The following PCDH11X variants were observed in gnomAD, a reference collection of about 807,000 sequenced individuals.
PCDH11X encodes the protein protocadherin-11 X-linked.
PCDH11X carries 18 observed loss-of-function variants against 53.3 expected under a neutral mutation model. The ratio of observed to expected loss-of-function variants is 0.34; its 90% CI spans 0.23 to 0.50. PCDH11X has a LOEUF of 0.50. Among genes scored for constraint, PCDH11X ranks in the 20% least tolerant of loss-of-function variants. PCDH11X has a pLI of 0.98. For synonymous variants in PCDH11X, 279 were observed against 393.3 expected (o/e 0.71, Z 3.44); for missense variants, 570 against 1,032.4 (o/e 0.55, Z 6.14).
At chrX:92,096,745 C>T (rs1383939846) in intron 6 of PCDH11X, among the ~76,000 whole-genome samples, 5 of 110,194 alleles carry the variant, frequency 4.5e-5, no homozygotes, top group East Asian at 2.9e-4. Flanking sequence ...TTAAGTACCA[C>T]GAGAACAGTA....
At chrX:92,037,226 C>T (rs1211116196) in intron 6 of PCDH11X, among the ~76,000 whole-genome samples, 2 of 109,207 alleles carry the variant, frequency 1.8e-5, no homozygotes, top group East Asian at 2.9e-4. Context: ...TACCTCCCAA[C>T]CGGCCCCAGT....
At chrX:91,865,904 C>T (rs1938957825) in intron 5 of PCDH11X, among the ~76,000 whole-genome samples, 1 of 110,516 alleles carries the variant, frequency 9.0e-6, no homozygotes, top group South Asian at 3.9e-4. Flanking sequence ...GTAATGGGCT[C>T]CCCTCTGTTC....
intron 10 of PCDH11X, among the ~76,000 whole-genome samples, chrX:92,548,253 T>A (rs1344167932): frequency 5.4e-5 from 6 of 110,632 alleles, no homozygotes; most frequent in Admixed American, 3.9e-4. Context: ...CACTGCTCGC[T>A]TGACCTCCCC....
intron 6 of PCDH11X, among the ~76,000 whole-genome samples, chrX:92,098,531 A>C (rs1276868255): frequency 3.6e-5 from 4 of 111,259 alleles, no homozygotes; most frequent in Non-Finnish European, 7.5e-5. Flanking sequence ...ACACTAGCTA[A>C]AATCTCATCC....
At chrX:91,907,022 C>G (rs1382500432) in intron 6 of PCDH11X, among the ~76,000 whole-genome samples, 2 of 105,083 alleles carry the variant, frequency 1.9e-5, no homozygotes, top group African/African-American at 6.9e-5. Context: ...CAGTAATGTG[C>G]TAATGCACAC....
At chrX:91,970,734 C>T (rs765569690) in intron 6 of PCDH11X, among the ~76,000 whole-genome samples, 10 of 111,654 alleles carry the variant, frequency 9.0e-5, no homozygotes, top group South Asian at 3.8e-4. Flanking sequence ...TTCTGCCTTT[C>T]GAAAACATCA....
intron 5 of PCDH11X, among the ~76,000 whole-genome samples, chrX:91,837,355 A>AC (rs1319574067): frequency 8.9e-6 from 1 of 111,902 alleles, no homozygotes; most frequent in Non-Finnish European, 1.9e-5. Context: ...AATTAGTACA[A>AC]CCACTAAGGA....
intron 8 of PCDH11X, among the ~76,000 whole-genome samples, chrX:92,357,301 T>C (rs1033625150): frequency 6.3e-5 from 7 of 111,739 alleles, no homozygotes; most frequent in Non-Finnish European, 1.3e-4. Flanking sequence ...TGTCCTAATA[T>C]TGTCTTTCTC....
At chrX:91,841,226 C>T (rs1229129963) in intron 5 of PCDH11X, among the ~76,000 whole-genome samples, 2 of 111,601 alleles carry the variant, frequency 1.8e-5, no homozygotes, top group East Asian at 5.6e-4. Flanking sequence ...GATTAAGTAA[C>T]TTTTGACTTC....
Position 92,534,394 on chromosome X carries a change from A to G in PCDH11X, c.3367+66072A>G, listed in dbSNP as rs756647116. 3.8e-3 allele frequency among the ~76,000 whole-genome samples: 421 copies of G among 111,558 alleles called. 3 individuals carry two copies. The highest frequency in any genetic ancestry group is 0.016 in the South Asian group (42 of 2,623). On this transcript the variant is annotated intron_variant, in intron 10 of 10. Coordinates refer to ENST00000682573, the MANE Select transcript of PCDH11X (RefSeq NM_032968.5). ...TAAACGAGCAAAGCCTCCAAGACATATGGGACTATGTGAAAAGACCAAATC... is the reference window on the plus strand; with the variant it reads ...TAAACGAGCAAAGCCTCCAAGACATGTGGGACTATGTGAAAAGACCAAATC...
intron 6 of PCDH11X, among the ~76,000 whole-genome samples, chrX:92,175,457 A>C (rs1334493975): frequency 9.0e-6 from 1 of 110,748 alleles, no homozygotes; most frequent in African/African-American, 3.3e-5. Flanking sequence ...GAGATGAGTA[A>C]GTGAACAGTT....
intron 10 of PCDH11X, among the ~76,000 whole-genome samples, chrX:92,590,312 T>C (rs1366102596): frequency 1.8e-5 from 2 of 111,492 alleles, no homozygotes; most frequent in Non-Finnish European, 3.8e-5. Flanking sequence ...ATGGTCTTTC[T>C]TTATGCAGCA....
chrX:91,904,709 G>C (rs552669471), intron 6 of PCDH11X, among the ~76,000 whole-genome samples: 1 of 110,243 alleles, frequency 9.1e-6, no homozygotes, highest in African/African-American at 3.3e-5. Context: ...TAGGATGTTT[G>C]ATAGCTACAT....
At chrX:92,234,677 TA>T in intron 7 of PCDH11X, among the ~76,000 whole-genome samples, 1 of 103,039 alleles carries the variant, frequency 9.7e-6, no homozygotes, top group East Asian at 3.3e-4. Flanking sequence ...ACAAATAATA[TA>T]AAGGGTTTTA....
At chrX:91,883,043 T>G in intron 6 of PCDH11X, 1 of 1,086,340 alleles carries the variant, frequency 9.2e-7, no homozygotes, top group African/African-American at 1.9e-5. Flanking sequence ...TTTTGTAATC[T>G]AGATTTCCCA....
At chrX:92,514,788 C>T (rs1344192009) in intron 10 of PCDH11X, among the ~76,000 whole-genome samples, 3 of 108,149 alleles carry the variant, frequency 2.8e-5, no homozygotes, top group Non-Finnish European at 5.7e-5. Flanking sequence ...TGGCTCACGC[C>T]TGTAATCCCA....
intron 6 of PCDH11X, among the ~76,000 whole-genome samples, chrX:92,139,757 A>G (rs1359990721): frequency 2.7e-5 from 3 of 111,714 alleles, no homozygotes; most frequent in Non-Finnish European, 5.6e-5. Flanking sequence ...ATAATTAAAC[A>G]TAATATACAA....
intron 6 of PCDH11X, among the ~76,000 whole-genome samples, chrX:92,104,640 A>C (rs1478425500): frequency 9.0e-6 from 1 of 110,607 alleles, no homozygotes; most frequent in Non-Finnish European, 1.9e-5. Context: ...AAGAGGTTTT[A>C]AGTTCTTAAG....
intron 8 of PCDH11X, among the ~76,000 whole-genome samples, chrX:92,340,096 G>A (rs1339171679): frequency 3.6e-5 from 4 of 111,615 alleles, no homozygotes; most frequent in Non-Finnish European, 7.5e-5. Context: ...CATACCATCA[G>A]GATGGTCATT....
Sources: gnomAD v4.1 joint callset for allele counts (sites outside exome capture counted in the v4.1 genomes callset) on GRCh38, gnomAD v4.1.1 for gene constraint, MANE v1.5 for transcripts, NCBI Gene and HGNC (gene_info 2026-07-23, HGNC 2026-07-21) for gene names.